Variants in GOLIM4 observed in about 807,000 individuals in gnomAD.
GOLIM4 encodes golgi integral membrane protein 4, also known as 130 kDa golgi-localized phosphoprotein.
A neutral mutation model predicts 107.4 loss-of-function variants in GOLIM4; 71 were observed. That is an observed-to-expected ratio of 0.66 (90% CI 0.55 to 0.81). The LOEUF (loss-of-function observed/expected upper bound fraction) is 0.81. GOLIM4 is among the 30% of genes least tolerant of loss of function. The pLI, the probability that GOLIM4 is intolerant of heterozygous loss-of-function variation, is 0.00. For synonymous variants in GOLIM4, 327 were observed against 294.8 expected (o/e 1.11, Z -1.12); for missense variants, 830 against 826.1 (o/e 1.00, Z -0.06).
At chr3:168,061,994 CA>C (rs1398607431) in intron 1 of GOLIM4, among the ~76,000 whole-genome samples, 2 of 152,060 alleles carry the variant, frequency 1.3e-5, no homozygotes, top group East Asian at 3.9e-4. Flanking sequence ...TAACATTTAC[CA>C]AAAATTTACA....
intron 14 of GOLIM4, among the ~76,000 whole-genome samples, chr3:168,011,211 C>T (rs1308497970): frequency 6.7e-5 from 10 of 149,474 alleles, no homozygotes; most frequent in South Asian, 2.1e-4. Flanking sequence ...CAAAGCAGGG[C>T]GAGGCATTGT....
intron 9 of GOLIM4, among the ~76,000 whole-genome samples, chr3:168,030,756 T>C (rs1165468010): frequency 1.3e-5 from 2 of 152,148 alleles, no homozygotes; most frequent in Non-Finnish European, 2.9e-5. Context: ...TCGTACGCTG[T>C]TGGTGAGAAT....
chr3:168,008,838 T>C lies in GOLIM4; in HGVS notation c.*1431A>G, dbSNP rs895015651. ...ACAATATTATACATTTTACATTACA[T>C]AATGGGTTTTTATACATAAAGGTAA... On this transcript the variant is annotated 3_prime_UTR_variant, in exon 16 of 16. Coordinates refer to ENST00000470487, the MANE Select transcript of GOLIM4 (RefSeq NM_014498.5). 1 of 152,132 alleles carries C rather than the reference T, an allele frequency of 6.6e-6. No individual in the cohort carries two copies. The highest frequency in any genetic ancestry group is 2.4e-5 in the African/African-American group (1 of 41,448). 9.4% of individuals were successfully genotyped at this position (152,132 alleles called of 1,614,324 possible).
At chr3:168,029,486 T>C (rs1718187834) in intron 10 of GOLIM4, among the ~76,000 whole-genome samples, 184 bp from the exon 11 acceptor site, 1 of 151,872 alleles carries the variant, frequency 6.6e-6, no homozygotes, top group South Asian at 2.1e-4. Context: ...AGATACACTT[T>C]CAAAAGGTAT....
chr3:168,027,991 T>C (rs568175935), intron 11 of GOLIM4, among the ~76,000 whole-genome samples, 154 bp from the exon 12 acceptor site: 1 of 152,330 alleles, frequency 6.6e-6, no homozygotes, highest in Non-Finnish European at 1.5e-5. Context: ...CTTTTCTGAA[T>C]AAGGTTATGT....
intron 13 of GOLIM4, 99 bp from the exon 14 acceptor site, chr3:168,024,693 G>A (rs1560072527): frequency 9.6e-7 from 1 of 1,039,304 alleles, no homozygotes; most frequent in Non-Finnish European, 1.5e-6. Flanking sequence ...CATGAAAAGG[G>A]CACTTTCAAA....
At chr3:168,076,415 CG>C (rs1194517110) in intron 1 of GOLIM4, among the ~76,000 whole-genome samples, 1 of 152,100 alleles carries the variant, frequency 6.6e-6, no homozygotes, top group African/African-American at 2.4e-5. Context: ...AAATCCTGGC[CG>C]GGCATGGTGG....
At chr3:168,042,061 C>T (rs575830279) in intron 5 of GOLIM4, among the ~76,000 whole-genome samples, 1 of 152,080 alleles carries the variant, frequency 6.6e-6, no homozygotes, top group Non-Finnish European at 1.5e-5. Flanking sequence ...AAGGACACAA[C>T]ACCCAGCTTC....
intron 1 of GOLIM4, among the ~76,000 whole-genome samples, chr3:168,093,753 A>G (rs150351943): frequency 9.5e-4 from 145 of 152,364 alleles, no homozygotes; most frequent in African/African-American, 3.1e-3. Context: ...GCCGAGCCAT[A>G]TATTTTCATT....
At chr3:168,081,725 CAG>C (rs1315607454) in intron 1 of GOLIM4, among the ~76,000 whole-genome samples, 3 of 152,090 alleles carry the variant, frequency 2.0e-5, no homozygotes, top group African/African-American at 7.2e-5. Flanking sequence ...CTCTGTAACA[CAG>C]GGTTGTTTTC....
Position 168,095,120 on chromosome 3 carries a change from A to G in GOLIM4, c.166T>C (p.Ser56Pro), listed in dbSNP as rs1302269192. 6.2e-7 allele frequency: 1 copy of G among 1,602,530 alleles called. No homozygotes were observed. The highest frequency in any genetic ancestry group is 1.1e-5 in the South Asian group (1 of 90,670). Residue 56 changes from serine (S) to proline (P), a missense_variant, in exon 1 of 16, where the codon TCC becomes CCC. By Grantham distance (74) the Ser-to-Pro change is moderately conservative (BLOSUM62 -1). Coordinates refer to ENST00000470487, the MANE Select transcript of GOLIM4 (RefSeq NM_014498.5). Reference protein sequence around the residue: ...VALKYQQHQESLSAQLQVVYE... With the variant: ...VALKYQQHQEPLSAQLQVVYE... Reference sequence around the variant, plus strand: ...GTACCTTGTAACTGGGCGGAGAGGGACTCCTGGTGCTGCTGGTACTTGAGC... The same window carrying G: ...GTACCTTGTAACTGGGCGGAGAGGGGCTCCTGGTGCTGCTGGTACTTGAGC...
chr3:168,064,092 C>T (rs1307366777), intron 1 of GOLIM4, among the ~76,000 whole-genome samples: 2 of 152,180 alleles, frequency 1.3e-5, no homozygotes, highest in Non-Finnish European at 2.9e-5. Flanking sequence ...TTTGCCTTCA[C>T]CATGGTCCCA....
At chr3:168,034,772 C>A (rs1057136489) in intron 8 of GOLIM4, among the ~76,000 whole-genome samples, 1 of 152,106 alleles carries the variant, frequency 6.6e-6, no homozygotes, top group Non-Finnish European at 1.5e-5. Context: ...GCTGCTCTCA[C>A]AATAGTGAAC....
At chr3:168,094,818 TAAAG>T (rs1722083033) in intron 1 of GOLIM4, among the ~76,000 whole-genome samples, 6 of 152,112 alleles carry the variant, frequency 3.9e-5, no homozygotes. Flanking sequence ...AGAGCTCGGG[TAAAG>T]GACTATCTGT....
intron 2 of GOLIM4, among the ~76,000 whole-genome samples, chr3:168,047,296 AG>A (rs1290826052): frequency 6.6e-6 from 1 of 152,190 alleles, no homozygotes; most frequent in Non-Finnish European, 1.5e-5. Context: ...GAAATTTAGG[AG>A]GGAAAAAATG....
intron 1 of GOLIM4, 49 bp downstream of exon 1, chr3:168,095,050 G>A (rs1722099072): frequency 1.4e-6 from 2 of 1,464,574 alleles, no homozygotes; most frequent in Admixed American, 1.9e-5. Flanking sequence ...CCCGGGTGGA[G>A]GCGCGGGGCA....
chr3:168,030,024 C>A lies in GOLIM4; in HGVS notation c.1189G>T (p.Ala397Ser), dbSNP rs1317812443. 2 of 1,614,134 alleles carry A rather than the reference C, an allele frequency of 1.2e-6. No homozygotes were observed. Among genetic ancestry groups the A allele is most frequent in the South Asian group, 2.2e-5 (2 of 91,084 alleles). Residue 397 changes from alanine (A) to serine (S), a missense_variant, in exon 10 of 16, where the codon GCC becomes TCC. Transcript: ENST00000470487. ...GHARAEVYPS[A>S]KPMIKFQSPY... ...GATTGGAATTTGATCATTGGCTTGG[C>A]TGAAGGGTACACCTAGGGTGAAAAA...
intron 5 of GOLIM4, among the ~76,000 whole-genome samples, chr3:168,042,970 G>C (rs2108245947): frequency 6.6e-6 from 1 of 152,274 alleles, no homozygotes; most frequent in East Asian, 1.9e-4. Context: ...GCGATCAACA[G>C]CAAGTCTCTG....
chr3:168,056,337 G>A (rs928903433), intron 1 of GOLIM4, among the ~76,000 whole-genome samples: 1 of 152,254 alleles, frequency 6.6e-6, no homozygotes, highest in African/African-American at 2.4e-5. Flanking sequence ...GGATGCCCAG[G>A]CAGAAGTTTG....
Sources: gnomAD v4.1 joint callset for allele counts (sites outside exome capture counted in the v4.1 genomes callset) on GRCh38, gnomAD v4.1.1 for gene constraint, MANE v1.5 for transcripts, NCBI Gene and HGNC (gene_info 2026-07-23, HGNC 2026-07-21) for gene names.